The following FBXO39 variants were observed in gnomAD, a reference collection of about 807,000 sequenced individuals.
The protein encoded by FBXO39 is F-box protein 39.
In FBXO39, 22 loss-of-function variants were observed where a neutral mutation model predicts 36.6. The ratio of observed to expected loss-of-function variants is 0.60; its 90% CI spans 0.43 to 0.86. The LOEUF is 0.86. FBXO39 is among the 40% of genes least tolerant of loss of function. FBXO39 has a pLI of 0.00. For missense variants in FBXO39, 536 were observed against 543.9 expected (o/e 0.99, Z 0.14); for synonymous variants, 206 against 205.8 (o/e 1.00, Z -0.01).
Position 6,780,240 on chromosome 17 carries a change from C to A in FBXO39, c.372C>A (p.Asn124Lys), listed in dbSNP as rs781471298. 2 of 1,614,114 alleles carry A rather than the reference C, an allele frequency of 1.2e-6. No individual in the cohort carries two copies. The highest frequency in any genetic ancestry group is 1.7e-6 in the Non-Finnish European group (2 of 1,179,978). Residue 124 changes from asparagine (N) to lysine (K), a missense_variant, in exon 2 of 4, where the codon AAC becomes AAA. Physicochemically the swap from Asn to Lys is moderately conservative, Grantham distance 94. Coordinates refer to ENST00000321535, the MANE Select transcript of FBXO39 (RefSeq NM_153230.3). ...GLLSCLSKSN[N>K]RLKSLSIQYL... is the part of the protein sequence containing the mutation. ...TGTCTTGTCTGAGTAAGAGCAACAA[C>A]CGTCTGAAATCTCTTTCCATCCAAT...
At chr17:6,776,638 TC>T (rs1379382153) in intron 1 of FBXO39, among the ~76,000 whole-genome samples, 1 of 152,178 alleles carries the variant, frequency 6.6e-6, no homozygotes, top group Non-Finnish European at 1.5e-5. Flanking sequence ...TGTATTCCTA[TC>T]TTCCTTGGCG....
rs766730695 is a variant in FBXO39 at position 6,787,445 on chromosome 17, G to A, written c.*17G>A. ...GTGATGTAATGAGCACTCTACAGAT[G>A]AAGAAAGCTGGGAGCACTTTGAACT... On this transcript the variant is annotated 3_prime_UTR_variant, in exon 4 of 4. Transcript: ENST00000321535. The A allele has an allele frequency of 1.3e-5, 21 of 1,612,852 alleles. No homozygotes were observed. Among genetic ancestry groups the A allele is most frequent in the Non-Finnish European group, 1.6e-5 (19 of 1,179,354 alleles).
At chr17:6,785,999 T>C (rs1976565620) in intron 2 of FBXO39, among the ~76,000 whole-genome samples, 1 of 152,242 alleles carries the variant, frequency 6.6e-6, no homozygotes, top group Non-Finnish European at 1.5e-5. Context: ...ATCCCACTGC[T>C]AGGTGTATAC....
intron 2 of FBXO39, among the ~76,000 whole-genome samples, chr17:6,783,413 A>G (rs1000028121): frequency 6.6e-5 from 10 of 152,082 alleles, no homozygotes; most frequent in African/African-American, 2.4e-4. Flanking sequence ...AATAATAAAG[A>G]TTGGAGCAGA....
intron 2 of FBXO39, among the ~76,000 whole-genome samples, chr17:6,785,908 T>C (rs1976564850): frequency 6.6e-6 from 1 of 152,174 alleles, no homozygotes; most frequent in Non-Finnish European, 1.5e-5. Flanking sequence ...TTGGTGGGAA[T>C]TTAAAGTAGT....
chr17:6,786,931 G>C lies in FBXO39; in HGVS notation c.1175G>C (p.Arg392Pro). The C allele has an allele frequency of 6.2e-7, 1 of 1,613,782 alleles. No individual in the cohort carries two copies. Among genetic ancestry groups the C allele is most frequent in the Non-Finnish European group, 8.5e-7 (1 of 1,179,814 alleles). ...VERILKSQKERQCALRVFKAR... is the reference protein window; with the variant it reads ...VERILKSQKEPQCALRVFKAR... ...CGGATCCTGAAGAGTCAGAAAGAAC[G>C]GCAGTGTGCCCTGCGTGTATTCAAG... Residue 392 changes from arginine to proline, a missense_variant, in exon 3 of 4, where the codon CGG becomes CCG. Coordinates refer to ENST00000321535, the MANE Select transcript of FBXO39 (RefSeq NM_153230.3).
chr17:6,782,401 G>A (rs371347400), intron 2 of FBXO39, among the ~76,000 whole-genome samples: 2 of 152,050 alleles, frequency 1.3e-5, no homozygotes, highest in South Asian at 4.1e-4. Context: ...AACAAATAAC[G>A]AAATGTCCCG....
At chr17:6,786,748 C>T in intron 2 of FBXO39, 32 bp from the exon 3 acceptor site, 1 of 1,567,220 alleles carries the variant, frequency 6.4e-7, no homozygotes, top group Non-Finnish European at 8.7e-7. Context: ...CATCTCTGCC[C>T]ACACACATCT....
At chr17:6,776,924 G>T (rs944423239) in intron 1 of FBXO39, among the ~76,000 whole-genome samples, 9 of 152,046 alleles carry the variant, frequency 5.9e-5, no homozygotes. Flanking sequence ...ATGGGGTCTC[G>T]GGGGGTAAGG....
chr17:6,780,827 AC>A lies in FBXO39; in HGVS notation c.962del (p.Pro321GlnfsTer5). On this transcript the variant is annotated frameshift_variant, in exon 2 of 4. Transcript: ENST00000321535. LOFTEE classifies it high-confidence loss of function. ...AGTCTGAGAAGCTGCTATTTCAGTG[AC>A]CCAGACTGTTCAATGAGACCCACTC... is the stretch of plus-strand genomic sequence containing the variant. ...SISLRSCYFS[D>X]PDCSMRPTLI... The A allele has an allele frequency of 6.2e-7, 1 of 1,613,994 alleles. No homozygotes were observed. The highest frequency in any genetic ancestry group is 1.1e-5 in the South Asian group (1 of 91,066).
At chr17:6,782,635 C>G (rs1976523545) in intron 2 of FBXO39, among the ~76,000 whole-genome samples, 1 of 152,170 alleles carries the variant, frequency 6.6e-6, no homozygotes, top group South Asian at 2.1e-4. Flanking sequence ...ATACTTATAT[C>G]AGACAAAATA....
chr17:6,779,810 T>C lies in FBXO39; in HGVS notation c.-59T>C, dbSNP rs1976480772. ...ACAGAAAGCAAGTGATTGCTTTCCTTTCCTCATTTTTGGAAGCCCTGCCTA... is the reference window on the plus strand; with the variant it reads ...ACAGAAAGCAAGTGATTGCTTTCCTCTCCTCATTTTTGGAAGCCCTGCCTA... On this transcript the variant is annotated 5_prime_UTR_variant, in exon 2 of 4. Transcript: ENST00000321535. 1.3e-6 allele frequency: 2 copies of C among 1,527,680 alleles called. No individual in the cohort carries two copies. Among genetic ancestry groups the C allele is most frequent in the Admixed American group, 1.9e-5 (1 of 52,166 alleles). 94.6% of individuals were successfully genotyped at this position (1,527,680 alleles called of 1,614,324 possible).
chr17:6,780,646 G>A lies in FBXO39; in HGVS notation c.778G>A (p.Val260Ile), dbSNP rs114913476. Residue 260 changes from valine to isoleucine, a missense_variant, in exon 2 of 4, where the codon GTT (valine) becomes ATT (isoleucine). By Grantham distance (29) the Val-to-Ile change is conservative. Transcript: ENST00000321535. ...TLRTINIKCH[V>I]HDPHGQVIWG... ...CCGGACCATCAACATCAAATGCCAC[G>A]TTCATGACCCCCACGGACAGGTCAT... The A allele has an allele frequency of 1.2e-3, 1,925 of 1,614,074 alleles. 13 individuals are homozygous for A. In the African/African-American group the frequency reaches 0.021, roughly 17 times the overall value.
rs141897477 is a variant in FBXO39 at position 6,786,786 on chromosome 17, A to T, written c.1030A>T (p.Thr344Ser). ...PTFRHTLQKL[T>S]CEFNNNHESL... The stretch of plus-strand genomic sequence containing the variant: ...CCTTTTGGTGCTCTTCCAGAAATTA[A>T]CTTGTGAATTCAACAACAACCATGA... The change falls in exon 3 of 4, where the codon ACT becomes TCT. Residue 344 changes from threonine to serine, a missense_variant. Physicochemically the swap from Thr to Ser is moderately conservative, Grantham distance 58. Transcript: ENST00000321535. The T allele has an allele frequency of 2.5e-6, 4 of 1,602,462 alleles. No homozygotes were observed. The highest frequency in any genetic ancestry group is 3.4e-5 in the Admixed American group (2 of 58,076).
chr17:6,781,324 A>C (rs1413328046), intron 2 of FBXO39, among the ~76,000 whole-genome samples: 1 of 152,138 alleles, frequency 6.6e-6, no homozygotes, highest in Non-Finnish European at 1.5e-5. Flanking sequence ...GTGCCTGGTA[A>C]TTGGGGAGAT....
chr17:6,779,928 C>A lies in FBXO39; in HGVS notation c.60C>A (p.Pro20=), dbSNP rs201069945. The change falls in exon 2 of 4, where the codon CCC becomes CCA. Residue 20 remains proline, a synonymous_variant. Coordinates refer to ENST00000321535, the MANE Select transcript of FBXO39 (RefSeq NM_153230.3). ...ACCAGAGCTGCTGGGCCTTTCTGCC[C>A]GATTTGTGTCTGTGCCGTGTTTTCT... ...PQDQSCWAFL[P]DLCLCRVFWW... 3.7e-6 allele frequency: 6 copies of A among 1,614,010 alleles called. No homozygotes were observed. The highest frequency in any genetic ancestry group is 2.2e-5 in the East Asian group (1 of 44,898).
At chr17:6,785,401 A>T (rs1456376537) in intron 2 of FBXO39, among the ~76,000 whole-genome samples, 1 of 152,176 alleles carries the variant, frequency 6.6e-6, no homozygotes, top group Non-Finnish European at 1.5e-5. Context: ...CTACAAGAAA[A>T]CATTGGGGAA....
chr17:6,780,214 C>T lies in FBXO39; in HGVS notation c.346C>T (p.Leu116=), dbSNP rs1332883770. ...GTTCCAGGTCACCATGCGGGGCCTC[C>T]TGTCTTGTCTGAGTAAGAGCAACAA... ...KKFQVTMRGL[L]SCLSKSNNRL... is the part of the protein sequence containing the mutation. Residue 116 remains leucine, a synonymous_variant, in exon 2 of 4, where the codon CTG becomes TTG. Transcript: ENST00000321535. The T allele has an allele frequency of 1.9e-6, 3 of 1,614,182 alleles. No homozygotes were observed. Among genetic ancestry groups the T allele is most frequent in the South Asian group, 2.2e-5 (2 of 91,074 alleles).
rs1298170830 is a variant in FBXO39, at chr17:6,780,503, A to T, written c.635A>T (p.Asn212Ile). 3 of 1,614,052 alleles carry T rather than the reference A, an allele frequency of 1.9e-6. No homozygotes were observed. Among genetic ancestry groups the T allele is most frequent in the Non-Finnish European group, 2.5e-6 (3 of 1,180,030 alleles). Residue 212 changes from asparagine (N) to isoleucine (I), a missense_variant, in exon 2 of 4, where the codon AAC (asparagine) becomes ATC (isoleucine). By Grantham distance (149) the Asn-to-Ile change is moderately radical. Coordinates refer to ENST00000321535, the MANE Select transcript of FBXO39 (RefSeq NM_153230.3). ...DYFSHHLAVY[N>I]SPQFKKTMST... ...TTCAGCCATCACCTTGCTGTCTACA[A>T]CAGCCCCCAGTTCAAAAAGACCATG...
Sources: gnomAD v4.1 joint callset for allele counts (sites outside exome capture counted in the v4.1 genomes callset) on GRCh38, gnomAD v4.1.1 for gene constraint, MANE v1.5 for transcripts, NCBI Gene and HGNC (gene_info 2026-07-23, HGNC 2026-07-21) for gene names.